Variants in ZXDC observed in about 807,000 individuals in gnomAD.
The protein encoded by ZXDC is ZXD family zinc finger C.
Under a neutral mutation model 63.6 loss-of-function variants are expected in ZXDC, and 58 were observed. That is an observed-to-expected ratio of 0.91 (90% CI 0.74 to 1.13). The LOEUF is 1.13. ZXDC is among the 50% of genes most tolerant of loss of function. The pLI, the probability that ZXDC is intolerant of heterozygous loss-of-function variation, is 0.00. For synonymous variants in ZXDC, 561 were observed against 496.1 expected (o/e 1.13, Z -1.74); for missense variants, 1,133 against 1,148.9 (o/e 0.99, Z 0.20).
At chr3:126,467,686 G>T (rs558109209) in intron 4 of ZXDC, among the ~76,000 whole-genome samples, 12 of 152,200 alleles carry the variant, frequency 7.9e-5, no homozygotes, top group African/African-American at 2.9e-4. Flanking sequence ...GGAAACAAAG[G>T]AGACAGTCCG....
chr3:126,450,429 AC>A, intron 7 of ZXDC: 1 of 456,746 alleles, frequency 2.2e-6, no homozygotes, highest in Non-Finnish European at 4.4e-6. Context: ...CCAGGGGTGT[AC>A]ACGGGGCCCA....
In ZXDC at chr3:126,461,668, G is replaced by T. The variant is rs376033046; in HGVS notation, c.1994C>A (p.Ser665Ter). ...CCCAACTGCTCCTGGGCGAGAAGGCGAGTCCGGCTCCACCTTGATTGGAGC... is the reference window on the plus strand; with the variant it reads ...CCCAACTGCTCCTGGGCGAGAAGGCTAGTCCGGCTCCACCTTGATTGGAGC... ...LLAPIKVEPD[S>*]PSRPGAVGQQ... Residue 665 changes from serine (S) to a stop codon, truncating the protein, a stop_gained, in exon 6 of 10, where the codon TCG becomes TAG. Coordinates refer to ENST00000389709, the MANE Select transcript of ZXDC (RefSeq NM_025112.5). LOFTEE classifies it high-confidence loss of function. The T allele has an allele frequency of 2.5e-6, 4 of 1,613,730 alleles. No individual in the cohort carries two copies. The highest frequency in any genetic ancestry group is 8.5e-7 in the Non-Finnish European group (1 of 1,180,012).
intron 7 of ZXDC, among the ~76,000 whole-genome samples, chr3:126,444,395 G>A (rs1260007030): frequency 2.0e-5 from 3 of 152,066 alleles, no homozygotes; most frequent in African/African-American, 7.2e-5. Flanking sequence ...AGCCAGTGGT[G>A]GTGGCGGGTG....
At chr3:126,445,236 A>T (rs1026453298) in intron 7 of ZXDC, among the ~76,000 whole-genome samples, 1 of 152,180 alleles carries the variant, frequency 6.6e-6, no homozygotes, top group African/African-American at 2.4e-5. Flanking sequence ...TTATACATAC[A>T]TAGGGCTCAT....
At chr3:126,447,881 T>C (rs1933941084) in intron 7 of ZXDC, among the ~76,000 whole-genome samples, 1 of 152,204 alleles carries the variant, frequency 6.6e-6, no homozygotes, top group Non-Finnish European at 1.5e-5. Flanking sequence ...GGGATTCCCA[T>C]GCCTGCTTCA....
At chr3:126,464,103 G>A (rs1934659335) in intron 5 of ZXDC, among the ~76,000 whole-genome samples, 1 of 152,196 alleles carries the variant, frequency 6.6e-6, no homozygotes, top group Non-Finnish European at 1.5e-5. Flanking sequence ...CCTGTGAAGA[G>A]ATCATGAATA....
At chr3:126,450,421 A>G (rs1405071046) in intron 7 of ZXDC, 1 of 456,584 alleles carries the variant, frequency 2.2e-6, no homozygotes, top group Non-Finnish European at 4.4e-6. Flanking sequence ...CATCTGCCCC[A>G]GGGGTGTACA....
At chr3:126,457,437 C>A (rs1435685869) in intron 7 of ZXDC, 1 of 985,272 alleles carries the variant, frequency 1.0e-6, no homozygotes, top group African/African-American at 1.7e-5. Context: ...GGCTGAGGCA[C>A]CTGGAGGGGC....
rs1399767046 is a variant in ZXDC at position 126,475,270 on chromosome 3, T to C, written c.596A>G (p.His199Arg). 1 of 1,553,164 alleles carries C rather than the reference T, an allele frequency of 6.4e-7. No individual in the cohort carries two copies. Among genetic ancestry groups the C allele is most frequent in the Non-Finnish European group, 8.7e-7 (1 of 1,148,190 alleles). Residue 199 changes from histidine to arginine, a missense_variant, in exon 1 of 10, where the codon CAC becomes CGC. Transcript: ENST00000389709. ...GGGCCGCCGGCCCTGACCGCCGCCG[T>C]GCGTGAGCAGGTGCACCTTGAGCTG... ...KHQLKVHLLTHGGGQGRRPFK... is the reference protein window; with the variant it reads ...KHQLKVHLLTRGGGQGRRPFK...
chr3:126,473,475 C>T (rs1040133693), intron 1 of ZXDC, among the ~76,000 whole-genome samples: 11 of 152,196 alleles, frequency 7.2e-5, no homozygotes, highest in Admixed American at 5.9e-4. Context: ...GATCAGCCAA[C>T]ACAAAACCCT....
intron 7 of ZXDC, chr3:126,455,150 C>A (rs1934255234): frequency 1.0e-6 from 1 of 965,162 alleles, no homozygotes; most frequent in Non-Finnish European, 1.2e-6. Flanking sequence ...AATCCCAAAC[C>A]CAATTTTTTT....
chr3:126,461,504 T>C, intron 6 of ZXDC, 31 bp downstream of exon 6: 1 of 1,581,816 alleles, frequency 6.3e-7, no homozygotes, highest in Non-Finnish European at 8.6e-7. Flanking sequence ...AAGTGACCTA[T>C]ATGGTGGTGA....
In ZXDC at chr3:126,458,715, G is replaced by A. The variant is rs151290800; in HGVS notation, c.2212+938C>T. 4.2e-4 allele frequency: 410 copies of A among 985,312 alleles called. No homozygotes were observed. The African/African-American group carries it at 6.3e-3, about 15-fold the overall frequency. The allele number at this position is 985,312 out of a possible 1,614,324, so 61.0% of individuals were successfully genotyped here. ...TCTACCAGGTTCAATAAAGGCATCC[G>A]CTTTCCTTCATGAACTTTCCTTGGT... On this transcript the variant is annotated intron_variant, in intron 7 of 9. Transcript: ENST00000389709.
In ZXDC at chr3:126,438,185, G is replaced by A; in HGVS notation, c.*190C>T. The A allele has an allele frequency of 3.2e-6, 2 of 619,110 alleles. No homozygotes were observed. The highest frequency in any genetic ancestry group is 5.8e-6 in the Non-Finnish European group (2 of 347,420). 38.4% of individuals were successfully genotyped at this position (619,110 alleles called of 1,614,324 possible). On this transcript the variant is annotated 3_prime_UTR_variant, in exon 10 of 10. Transcript: ENST00000389709. The stretch of plus-strand genomic sequence containing the variant: ...TTGCTCACAAAGGCAGTTTCAAAGA[G>A]TATAGCCCGAACTCATTCCTGGTAA...
intron 4 of ZXDC, among the ~76,000 whole-genome samples, chr3:126,468,260 A>T (rs1479573723): frequency 6.6e-6 from 1 of 152,050 alleles, no homozygotes; most frequent in East Asian, 1.9e-4. Context: ...AGGCCACCCA[A>T]CACCTGCCCT....
chr3:126,470,845 T>A lies in ZXDC; in HGVS notation c.1270+50A>T, dbSNP rs1397513738. On this transcript the variant is annotated intron_variant, in intron 4 of 9. Transcript: ENST00000389709. ...AACAACGGAAACTTAACAGGATAAA[T>A]GTTGGCATTGCACTTAGTTTACTGC... is the stretch of plus-strand genomic sequence containing the variant. 3 of 1,603,252 alleles carry A rather than the reference T, an allele frequency of 1.9e-6. No homozygotes were observed. The South Asian group carries it at 3.3e-5, about 18-fold the overall frequency.
At chr3:126,460,210 A>C in intron 6 of ZXDC, 1 of 909,694 alleles carries the variant, frequency 1.1e-6, no homozygotes, top group Non-Finnish European at 1.3e-6. Flanking sequence ...AAAGTCTTAC[A>C]CAAAAATAAT....
Position 126,475,154 on chromosome 3 carries a change from A to C in ZXDC, c.712T>G (p.Phe238Val). The C allele has an allele frequency of 6.2e-7, 1 of 1,606,940 alleles. No homozygotes were observed. The highest frequency in any genetic ancestry group is 1.1e-5 in the South Asian group (1 of 89,798). Residue 238 changes from phenylalanine to valine, a missense_variant, in exon 1 of 10, where the codon TTC becomes GTC. Transcript: ENST00000389709. ...CCACAGCCGCCCACTGGACAGCCGA[A>C]GGGCCGCAGCTTGTCGTGCGACTGC... is the stretch of plus-strand genomic sequence containing the variant. ...HLQSHDKLRP[F>V]GCPVGGCGKK...
At chr3:126,458,501 G>A (rs1934398761) in intron 7 of ZXDC, 3 of 805,836 alleles carry the variant, frequency 3.7e-6, no homozygotes, top group South Asian at 5.6e-5. Flanking sequence ...GCCTCCCAAA[G>A]TGCTGGGATT....
Sources: allele counts gnomAD v4.1 joint callset (sites outside exome capture counted in the v4.1 genomes callset), GRCh38; gene constraint gnomAD v4.1.1; transcripts MANE v1.5; gene names NCBI Gene and HGNC (gene_info 2026-07-23, HGNC 2026-07-21).